TRPM3: variants seen among roughly 807,000 people sequenced by gnomAD.
TRPM3 encodes transient receptor potential cation channel subfamily M member 3, also known as long transient receptor potential channel 3.
In TRPM3, 77 loss-of-function variants were observed where a neutral mutation model predicts 181.2. That is an observed-to-expected ratio of 0.42 (90% CI 0.35 to 0.51). TRPM3 has a LOEUF of 0.51. Among genes scored for constraint, TRPM3 ranks in the 20% least tolerant of loss-of-function variants. TRPM3 has a pLI of 0.01. For missense variants in TRPM3, 1,759 were observed against 2,196.7 expected (o/e 0.80, Z 3.98); for synonymous variants, 745 against 796.4 (o/e 0.94, Z 1.09).
intron 1 of TRPM3, among the ~76,000 whole-genome samples, chr9:71,011,528 G>A (rs1380430728): frequency 6.6e-6 from 1 of 151,914 alleles, no homozygotes; most frequent in African/African-American, 2.4e-5. Flanking sequence ...TCAAACTTTT[G>A]TTATTTCATT....
intron 1 of TRPM3, among the ~76,000 whole-genome samples, chr9:71,334,853 T>G (rs2090445411): frequency 6.6e-6 from 1 of 152,198 alleles, no homozygotes; most frequent in Non-Finnish European, 1.5e-5. Context: ...AACTCCCTAA[T>G]TACTGCATTA....
At chr9:71,188,365 A>C (rs2077811495) in intron 1 of TRPM3, among the ~76,000 whole-genome samples, 1 of 151,854 alleles carries the variant, frequency 6.6e-6, no homozygotes, top group South Asian at 2.1e-4. Context: ...GCCTAATAAC[A>C]GTGCCCATTT....
At chr9:71,127,341 C>A (rs1455507389) in intron 1 of TRPM3, among the ~76,000 whole-genome samples, 1 of 107,280 alleles carries the variant, frequency 9.3e-6, no homozygotes, top group African/African-American at 2.9e-5. Context: ...GAGTAATTTA[C>A]TCTTTTTCAC....
At chr9:71,106,432 T>C (rs1388097076) in intron 1 of TRPM3, among the ~76,000 whole-genome samples, 1 of 152,066 alleles carries the variant, frequency 6.6e-6, no homozygotes, top group Admixed American at 6.6e-5. Context: ...TTAAATATCC[T>C]GGCACCTCCT....
At chr9:71,260,243 T>C (rs1565394890) in intron 1 of TRPM3, among the ~76,000 whole-genome samples, 1 of 152,184 alleles carries the variant, frequency 6.6e-6, no homozygotes, top group Non-Finnish European at 1.5e-5. Context: ...GGTCTATACA[T>C]CTGTTTTGGT....
intron 1 of TRPM3, among the ~76,000 whole-genome samples, chr9:71,173,685 G>A (rs1043655352): frequency 2.0e-5 from 3 of 152,210 alleles, no homozygotes; most frequent in African/African-American, 7.2e-5. Context: ...AGCAGCTTTG[G>A]AGAGAGGCAC....
intron 1 of TRPM3, among the ~76,000 whole-genome samples, chr9:71,072,554 A>C (rs1436223124): frequency 2.6e-5 from 4 of 152,184 alleles, no homozygotes; most frequent in Non-Finnish European, 5.9e-5. Context: ...AGATGGATTC[A>C]GTTGTGGGTC....
intron 1 of TRPM3, among the ~76,000 whole-genome samples, chr9:71,214,273 A>G (rs1322928109): frequency 1.3e-5 from 2 of 152,194 alleles, no homozygotes; most frequent in Non-Finnish European, 2.9e-5. Context: ...AATATAAATC[A>G]CAGTTTAATA....
chr9:71,340,555 T>C (rs1266764918), intron 1 of TRPM3, among the ~76,000 whole-genome samples: 1 of 152,130 alleles, frequency 6.6e-6, no homozygotes, highest in Non-Finnish European at 1.5e-5. Context: ...TTTGCTGCCA[T>C]ACAAAACATG....
intron 1 of TRPM3, among the ~76,000 whole-genome samples, chr9:71,290,329 T>C (rs1230600268): frequency 6.6e-6 from 1 of 152,034 alleles, no homozygotes. Flanking sequence ...AAAAGAAAGA[T>C]ATTAAAATTG....
chr9:71,204,572 G>A (rs1039882319), intron 1 of TRPM3, among the ~76,000 whole-genome samples: 2 of 152,180 alleles, frequency 1.3e-5, no homozygotes, highest in African/African-American at 4.8e-5. Flanking sequence ...AACAGGTGCT[G>A]GAGAGGATGT....
intron 1 of TRPM3, among the ~76,000 whole-genome samples, chr9:71,438,428 G>T (rs1453304153): frequency 2.0e-5 from 3 of 152,100 alleles, no homozygotes; most frequent in African/African-American, 7.2e-5. Context: ...CCAGCACTTT[G>T]AAAGGCTGAG....
intron 9 of TRPM3, among the ~76,000 whole-genome samples, chr9:70,652,206 A>G (rs951856642): frequency 3.3e-5 from 5 of 152,108 alleles, no homozygotes; most frequent in African/African-American, 9.7e-5. Context: ...TCAGGTAGAA[A>G]TCAGGTTTTG....
intron 1 of TRPM3, among the ~76,000 whole-genome samples, chr9:71,139,340 A>G (rs1197338837): frequency 6.6e-6 from 1 of 152,234 alleles, no homozygotes; most frequent in Non-Finnish European, 1.5e-5. Flanking sequence ...ATGAGGTAAA[A>G]TTCAATCTTA....
At chr9:70,615,800 C>T in intron 18 of TRPM3, 108 bp downstream of exon 18, 4 of 1,163,162 alleles carry the variant, frequency 3.4e-6, no homozygotes, top group Non-Finnish European at 4.9e-6. Flanking sequence ...TGGTGGAAGG[C>T]TGGGAACAGA....
At chr9:70,611,251 A>AATT (rs1234055983) in intron 18 of TRPM3, among the ~76,000 whole-genome samples, 1 of 152,166 alleles carries the variant, frequency 6.6e-6, no homozygotes, top group East Asian at 1.9e-4. Flanking sequence ...CTGTGCCTGC[A>AATT]ATTAGTTAGG....
At chr9:71,010,932 T>TACACACAC (rs60869396) in intron 1 of TRPM3, among the ~76,000 whole-genome samples, 1 of 147,092 alleles carries the variant, frequency 6.8e-6, no homozygotes, top group Non-Finnish European at 1.5e-5. Flanking sequence ...CACACACACA[T>TACACACAC]ACACACACAC....
rs575329783 is a variant in TRPM3, at chr9:70,935,769, A to G, written c.178-71258T>C. Among the ~76,000 whole-genome samples the G allele has an allele frequency of 3.9e-5, 6 of 152,346 alleles. No homozygotes were observed. In the East Asian group the frequency reaches 1.2e-3, roughly 29 times the overall value. Reference sequence around the variant, plus strand: ...CAAAATCTTGTTAATATTTGTGAACATTTAAAAAAGAAGTGGCAGATTTTT... The same window carrying G: ...CAAAATCTTGTTAATATTTGTGAACGTTTAAAAAAGAAGTGGCAGATTTTT... On this transcript the variant is annotated intron_variant, in intron 1 of 25. Transcript: ENST00000677713.
chr9:71,433,333 G>A (rs1190680212), intron 1 of TRPM3, among the ~76,000 whole-genome samples: 4 of 152,196 alleles, frequency 2.6e-5, no homozygotes, highest in Non-Finnish European at 5.9e-5. Flanking sequence ...CAGTGAGTGA[G>A]TTCTCACAAG....
Sources: allele counts gnomAD v4.1 joint callset (sites outside exome capture counted in the v4.1 genomes callset), GRCh38; gene constraint gnomAD v4.1.1; transcripts MANE v1.5; gene names NCBI Gene and HGNC (gene_info 2026-07-23, HGNC 2026-07-21).